CCDC3: variants seen among roughly 807,000 people sequenced by gnomAD.
The protein encoded by CCDC3 is coiled-coil domain-containing protein 3.
CCDC3 carries 24 observed loss-of-function variants against 21.4 expected under a neutral mutation model. That is an observed-to-expected ratio of 1.12 (90% CI 0.81 to 1.58). The LOEUF (loss-of-function observed/expected upper bound fraction) is 1.58. CCDC3 is among the 40% of genes most tolerant of loss of function. The probability of loss-of-function intolerance (pLI) is 0.00; values close to 1 mark genes in which losing one functional copy is unlikely to be tolerated. For missense variants in CCDC3, 425 were observed against 360.9 expected (o/e 1.18, Z -1.44); for synonymous variants, 186 against 166.0 (o/e 1.12, Z -0.93).
chr10:12,926,016 G>A (rs913696406), intron 2 of CCDC3, among the ~76,000 whole-genome samples: 3 of 152,252 alleles, frequency 2.0e-5, no homozygotes, highest in African/African-American at 7.2e-5. Flanking sequence ...CTATGCCCAA[G>A]AGCAGAGGCT....
chr10:12,918,113 T>A (rs1371818849), intron 2 of CCDC3, among the ~76,000 whole-genome samples: 1 of 152,200 alleles, frequency 6.6e-6, no homozygotes, highest in African/African-American at 2.4e-5. Context: ...ACGGCTCCCT[T>A]CCCTACCCAT....
chr10:13,014,098 C>A (rs1836018789), intron 5 of CCDC3, among the ~76,000 whole-genome samples: 1 of 151,780 alleles, frequency 6.6e-6, no homozygotes, highest in South Asian at 2.1e-4. Flanking sequence ...TTGCAGTGAG[C>A]CGAGATCACG....
chr10:13,095,777 C>T (rs1180727706), intron 3 of CCDC3, among the ~76,000 whole-genome samples: 1 of 152,238 alleles, frequency 6.6e-6, no homozygotes, highest in Non-Finnish European at 1.5e-5. Context: ...GTATAATCCA[C>T]ATGCCATAAA....
chr10:13,050,549 C>T (rs1301474630), intron 4 of CCDC3, among the ~76,000 whole-genome samples: 1 of 150,538 alleles, frequency 6.6e-6, no homozygotes, highest in East Asian at 2.0e-4. Context: ...CAACCTCCGC[C>T]TCCTGGGTTC....
At chr10:13,034,786 C>T (rs752229024) in intron 5 of CCDC3, among the ~76,000 whole-genome samples, 14 of 151,940 alleles carry the variant, frequency 9.2e-5, no homozygotes, top group East Asian at 1.9e-4. Flanking sequence ...GCACTTTGGG[C>T]GGCCAAAGTG....
At chr10:12,951,593 C>G (rs532783537) in intron 2 of CCDC3, among the ~76,000 whole-genome samples, 1 of 152,108 alleles carries the variant, frequency 6.6e-6, no homozygotes, top group South Asian at 2.1e-4. Context: ...ATCACAAGGT[C>G]AGGAGATGGA....
chr10:12,921,733 C>T (rs988352970), intron 2 of CCDC3, among the ~76,000 whole-genome samples: 8 of 150,808 alleles, frequency 5.3e-5, no homozygotes, highest in African/African-American at 1.5e-4. Flanking sequence ...TTATCGTAGC[C>T]GGTTTCTGTT....
intron 2 of CCDC3, among the ~76,000 whole-genome samples, chr10:12,930,899 C>G (rs11258067): frequency 0.25 from 37,746 of 151,978 alleles, 5,028 homozygotes; most frequent in South Asian, 0.45. Flanking sequence ...CCAAACTTCA[C>G]TTTTCACAGT....
Position 13,001,525 on chromosome 10 carries a change from G to T in CCDC3, c.46C>A (p.Pro16Thr). The change falls in exon 1 of 3, where the codon CCA becomes ACA. Residue 16 changes from proline (P) to threonine (T), a missense_variant. Coordinates refer to ENST00000378825, the MANE Select transcript of CCDC3 (RefSeq NM_031455.4). ...LLAALCLAGP[P>T]APARACQLPS... ...AGCTGGCAGGCGCGCGCGGGCGCTG[G>T]GGGACCCGCCAGGCAGAGCGCGGCG... The T allele has an allele frequency of 7.6e-7, 1 of 1,315,576 alleles. No individual in the cohort carries two copies. Among genetic ancestry groups the T allele is most frequent in the Non-Finnish European group, 9.7e-7 (1 of 1,035,158 alleles). The allele number at this position is 1,315,576 out of a possible 1,614,324, so 81.5% of individuals were successfully genotyped here.
In CCDC3 at chr10:12,898,422, C is replaced by A; in HGVS notation, c.807G>T (p.Arg269=). 1 of 1,599,666 alleles carries A rather than the reference C, an allele frequency of 6.3e-7. No homozygotes were observed. Among genetic ancestry groups the A allele is most frequent in the Non-Finnish European group, 8.5e-7 (1 of 1,171,486 alleles). The stretch of plus-strand genomic sequence containing the variant: ...CTGGCAGCCCCCAGGCCCGTTACCC[C>A]CGCAGGTAGGGGGGGCGCACGGGCC... ...ARGPVRPPYL[R]G Residue 269 remains arginine (R), a synonymous_variant, in exon 3 of 3, where the codon CGG becomes CGT. Transcript: ENST00000378825.
intron 2 of CCDC3, among the ~76,000 whole-genome samples, chr10:12,938,614 C>G (rs996117094): frequency 6.6e-6 from 1 of 152,210 alleles, no homozygotes; most frequent in Non-Finnish European, 1.5e-5. Context: ...AACAGTAGTC[C>G]TATCCCAGAG....
chr10:13,040,359 C>G (rs1203376736), intron 5 of CCDC3, among the ~76,000 whole-genome samples: 2 of 152,144 alleles, frequency 1.3e-5, no homozygotes, highest in East Asian at 3.8e-4. Context: ...AGGAAGTGAG[C>G]CTTATCTATC....
intron 3 of CCDC3, among the ~76,000 whole-genome samples, chr10:13,077,558 C>T (rs945470751): frequency 2.0e-5 from 3 of 152,150 alleles, no homozygotes; most frequent in Admixed American, 6.5e-5. Context: ...CAAGACAATC[C>T]TAAGCCAAAA....
chr10:12,990,586 G>C (rs11818489), intron 2 of CCDC3, among the ~76,000 whole-genome samples: 12,194 of 152,280 alleles, frequency 0.08, 883 homozygotes, highest in African/African-American at 0.19. Context: ...TTGGCTGCCA[G>C]TGACTGGGTG....
chr10:12,951,791 T>G (rs138020104), intron 2 of CCDC3, among the ~76,000 whole-genome samples: 1,011 of 98,220 alleles, frequency 0.01, 13 homozygotes, highest in African/African-American at 0.042. Context: ...GACAACAGAG[T>G]GAGACTTCAT....
At chr10:13,014,653 G>C (rs1434119807) in intron 5 of CCDC3, among the ~76,000 whole-genome samples, 2 of 151,870 alleles carry the variant, frequency 1.3e-5, no homozygotes, top group African/African-American at 4.8e-5. Context: ...CTTGATTGTA[G>C]GAAATACACA....
intron 5 of CCDC3, among the ~76,000 whole-genome samples, chr10:13,046,435 G>A (rs1298204624): frequency 2.0e-5 from 3 of 151,162 alleles, no homozygotes; most frequent in Non-Finnish European, 3.0e-5. Context: ...GGCCAGGTGC[G>A]GTGGCTCATG....
chr10:12,997,918 C>CA (rs759132992), intron 2 of CCDC3, among the ~76,000 whole-genome samples: 22 of 150,608 alleles, frequency 1.5e-4, no homozygotes, highest in Admixed American at 2.0e-4. Context: ...AGCTGATAAG[C>CA]AAAAAAAAAT....
At chr10:13,030,886 A>T (rs1589045217) in intron 5 of CCDC3, among the ~76,000 whole-genome samples, 1 of 152,166 alleles carries the variant, frequency 6.6e-6, no homozygotes, top group Non-Finnish European at 1.5e-5. Context: ...ACTCCCACAC[A>T]ATAATAATGG....
Sources: gnomAD v4.1 joint callset for allele counts (sites outside exome capture counted in the v4.1 genomes callset) on GRCh38, gnomAD v4.1.1 for gene constraint, MANE v1.5 for transcripts, NCBI Gene and HGNC (gene_info 2026-07-23, HGNC 2026-07-21) for gene names.